GAPVD1: variants seen among roughly 807,000 people sequenced by gnomAD.
The protein encoded by GAPVD1 is GTPase activating protein and VPS9 domains 1, also known as GTPase-activating protein and VPS9 domain-containing protein 1.
GAPVD1 carries 35 observed loss-of-function variants against 155.5 expected under a neutral mutation model. The ratio of observed to expected loss-of-function variants is 0.23; its 90% CI spans 0.17 to 0.30. GAPVD1 has a LOEUF of 0.30. Among genes scored for constraint, GAPVD1 ranks in the 10% least tolerant of loss-of-function variants. The probability of loss-of-function intolerance (pLI) is 1.00; values close to 1 mark genes in which losing one functional copy is unlikely to be tolerated. For synonymous variants in GAPVD1, 636 were observed against 619.7 expected, an observed-to-expected ratio of 1.03 and a Z score of -0.39; for missense variants, 1,429 against 1,775.7, an observed-to-expected ratio of 0.80 and a Z score of 3.51.
intron 14 of GAPVD1, 77 bp downstream of exon 14, chr9:125,332,137 C>G (rs1846183781): frequency 3.0e-6 from 4 of 1,323,468 alleles, no homozygotes. Flanking sequence ...AAAGTTGATA[C>G]AAAAAGATAT....
intron 9 of GAPVD1, among the ~76,000 whole-genome samples, chr9:125,316,484 C>G (rs1843442807): frequency 6.6e-6 from 1 of 152,188 alleles, no homozygotes; most frequent in African/African-American, 2.4e-5. Context: ...CCAGCTTCAT[C>G]TGTATCCCTG....
intron 6 of GAPVD1, among the ~76,000 whole-genome samples, chr9:125,306,307 C>T (rs913828385): frequency 2.0e-5 from 3 of 152,116 alleles, no homozygotes; most frequent in Admixed American, 2.0e-4. Flanking sequence ...GGATTATAGG[C>T]GTGAGCCACC....
At chr9:125,287,722 T>C (rs2132377050) in intron 2 of GAPVD1, 1 of 152,280 alleles carries the variant, frequency 6.6e-6, no homozygotes, top group Middle Eastern at 3.4e-3. Context: ...TTAAGTCACT[T>C]ATTTATTTAC....
chr9:125,325,754 G>T (rs1194716274), intron 11 of GAPVD1, among the ~76,000 whole-genome samples: 1 of 152,186 alleles, frequency 6.6e-6, no homozygotes, highest in Non-Finnish European at 1.5e-5. Context: ...TTAGGATTAA[G>T]TTTGTTGCAA....
chr9:125,303,833 C>T (rs1841355114), intron 5 of GAPVD1: 1 of 150,974 alleles, frequency 6.6e-6, no homozygotes, highest in Non-Finnish European at 1.5e-5. Context: ...TCAGTTATAT[C>T]ACCTTGGGAT....
intron 2 of GAPVD1, among the ~76,000 whole-genome samples, chr9:125,278,473 A>T (rs970654363): frequency 2.0e-5 from 3 of 152,218 alleles, no homozygotes; most frequent in African/African-American, 7.2e-5. Flanking sequence ...GTGAGCCAAG[A>T]TCATGCCACT....
chr9:125,335,285 T>G (rs1289041605), intron 15 of GAPVD1: 1 of 640,366 alleles, frequency 1.6e-6, no homozygotes, highest in South Asian at 1.9e-5. Flanking sequence ...TTGCAAAAAA[T>G]GTGTCATTCT....
intron 17 of GAPVD1, among the ~76,000 whole-genome samples, chr9:125,338,156 T>A (rs1211459003): frequency 6.6e-6 from 1 of 152,256 alleles, no homozygotes; most frequent in Non-Finnish European, 1.5e-5. Context: ...ATTACAGGCA[T>A]GAGCCACCGC....
At chr9:125,290,466 A>G (rs911048219) in intron 2 of GAPVD1, among the ~76,000 whole-genome samples, 1 of 152,218 alleles carries the variant, frequency 6.6e-6, no homozygotes, top group Non-Finnish European at 1.5e-5. Flanking sequence ...GCATAGATGT[A>G]GATAAGTCAA....
chr9:125,332,397 A>G, intron 14 of GAPVD1, 113 bp from the exon 15 acceptor site: 1 of 808,722 alleles, frequency 1.2e-6, no homozygotes, highest in Non-Finnish European at 2.0e-6. Context: ...ACTCACATGT[A>G]TAGAACTGGG....
intron 17 of GAPVD1, 126 bp downstream of exon 17, chr9:125,337,717 T>G (rs1028461349): frequency 6.2e-6 from 6 of 975,390 alleles, no homozygotes; most frequent in Non-Finnish European, 8.9e-6. Flanking sequence ...AAAGATGATT[T>G]GTCAATCTAT....
chr9:125,293,880 A>ATATAAATATATTTTATATATT (rs1839335194), intron 2 of GAPVD1, among the ~76,000 whole-genome samples: 3 of 20,396 alleles, frequency 1.5e-4, no homozygotes, highest in African/African-American at 6.2e-4. Flanking sequence ...ATATATATAT[A>ATATAAATATATTTTATATATT]TATATATATA....
chr9:125,334,456 T>A (rs935280299), intron 15 of GAPVD1, among the ~76,000 whole-genome samples: 40 of 152,226 alleles, frequency 2.6e-4, no homozygotes, highest in African/African-American at 8.9e-4. Context: ...GAAGCACTTA[T>A]GGATTATTTG....
Position 125,366,686 on chromosome 9 carries a change from T to C in GAPVD1, c.*3940T>C, listed in dbSNP as rs930102153. On this transcript the variant is annotated 3_prime_UTR_variant, in exon 28 of 28. Coordinates refer to ENST00000297933, the MANE Select transcript of GAPVD1 (RefSeq NM_001282680.3). ...AGTGATGAGGTATTTGCGATTACTTTAAATGCCAAAATGCTTGAGAACTTT... is the reference window on the plus strand; with the variant it reads ...AGTGATGAGGTATTTGCGATTACTTCAAATGCCAAAATGCTTGAGAACTTT... The C allele has an allele frequency of 2.0e-5, 3 of 152,232 alleles. No individual in the cohort carries two copies. Among genetic ancestry groups the C allele is most frequent in the African/African-American group, 7.2e-5 (3 of 41,448 alleles). 9.4% of individuals were successfully genotyped at this position (152,232 alleles called of 1,614,324 possible).
At position 125,302,229 on chromosome 9, in the gene GAPVD1, A is replaced by G. The variant is rs754101363; in HGVS notation, c.432A>G (p.Glu144=). The G allele has an allele frequency of 8.1e-6, 13 of 1,613,926 alleles. No homozygotes were observed. The change falls in exon 5 of 28, where the codon GAA becomes GAG. Residue 144 remains glutamate (E), a synonymous_variant. Transcript: ENST00000297933. ...TSLYGNCIMQ[E]DESYLLQVLR... is the part of the protein sequence containing the mutation. ...TGTATGGCAATTGCATCATGCAAGA[A>G]GATGAAAGCTACCTCCTTCAGGTTT...
chr9:125,359,339 T>C, intron 25 of GAPVD1, 81 bp from the exon 26 acceptor site: 1 of 819,156 alleles, frequency 1.2e-6, no homozygotes, highest in Non-Finnish European at 2.1e-6. Flanking sequence ...TTTCACGTGT[T>C]TTGTAAAAAT....
At chr9:125,359,574 G>T in intron 26 of GAPVD1, 82 bp downstream of exon 26, 1 of 744,700 alleles carries the variant, frequency 1.3e-6, no homozygotes, top group South Asian at 1.5e-5. Flanking sequence ...ACGTGTTCAA[G>T]GAACTGAAAT....
At position 125,360,528 on chromosome 9, in the gene GAPVD1, G is replaced by A; in HGVS notation, c.4045G>A (p.Val1349Ile). ...ANHRALQIPE[V>I]YLREAPWPSA... ...GTATATTGTCTATGGTCTCACTTAG[G>A]TTTATCTTCGAGAAGCACCATGGCC... The change falls in exon 27 of 28, where the codon GTT becomes ATT. Residue 1349 changes from valine to isoleucine, a missense_variant and splice_region_variant. Around this residue, in one of 4 missense-constraint regions of GAPVD1, gnomAD observed 102 missense variants for 196.5 expected, o/e 0.52. Transcript: ENST00000297933. The A allele has an allele frequency of 1.2e-6, 2 of 1,613,288 alleles. No individual in the cohort carries two copies. The highest frequency in any genetic ancestry group is 1.7e-6 in the Non-Finnish European group (2 of 1,179,314).
intron 8 of GAPVD1, among the ~76,000 whole-genome samples, chr9:125,309,598 G>A (rs189740644): frequency 1.2e-3 from 185 of 152,302 alleles, no homozygotes; most frequent in African/African-American, 4.1e-3. Context: ...GCCTCCCAAA[G>A]GGCTGGGATT....
Sources: allele counts gnomAD v4.1 joint callset (sites outside exome capture counted in the v4.1 genomes callset), GRCh38; gene constraint gnomAD v4.1.1; regional missense constraint gnomAD v4.1.1; transcripts MANE v1.5; gene names NCBI Gene and HGNC (gene_info 2026-07-23, HGNC 2026-07-21).